The following SCAMP1 variants were observed in gnomAD, a reference collection of about 807,000 sequenced individuals.
SCAMP1 encodes the protein secretory carrier membrane protein 1, also known as secretory carrier-associated membrane protein 1.
In SCAMP1, 15 loss-of-function variants were observed where a neutral mutation model predicts 41.8. The ratio of observed to expected loss-of-function variants is 0.36; its 90% confidence interval spans 0.24 to 0.55. The LOEUF is 0.55. SCAMP1 is among the 20% of genes least tolerant of loss of function. The pLI is 0.86. For missense variants in SCAMP1, 341 were observed against 412.6 expected, an observed-to-expected ratio of 0.83 and a Z score of 1.50; for synonymous variants, 135 against 136.8, an observed-to-expected ratio of 0.99 and a Z score of 0.09.
Position 78,360,654 on chromosome 5 carries a change from A to ACGC in SCAMP1, c.-15_-13dup. ...TCTCTGCGCCTGGGTCGGGTGGGTG[A>ACGC]CGCCGAGAGCCAGAGAGATGTCGGA... On this transcript the variant is annotated 5_prime_UTR_variant, in exon 1 of 9. Transcript: ENST00000621999. The ACGC allele has an allele frequency of 6.2e-7, 1 of 1,603,416 alleles. No homozygotes were observed.
rs373924048 is a variant in SCAMP1 at position 78,449,970 on chromosome 5, G to A, written c.670G>A (p.Val224Ile). The A allele has an allele frequency of 1.7e-5, 26 of 1,546,328 alleles. No homozygotes were observed. Among genetic ancestry groups the A allele is most frequent in the South Asian group, 2.5e-5 (2 of 79,504 alleles). The stretch of plus-strand genomic sequence containing the variant: ...ATTTAGATTCTTTGTATTCTTCTTC[G>A]TCTATATTTGTCAGTTTGCTGTACA... ...SSFRFFVFFFVYICQFAVHVL... is the reference protein window; with the variant it reads ...SSFRFFVFFFIYICQFAVHVL... The change falls in exon 7 of 9, where the codon GTC becomes ATC. Residue 224 changes from valine (V) to isoleucine (I), a missense_variant. By Grantham distance (29) the Val-to-Ile change is conservative (BLOSUM62 3). Transcript: ENST00000621999.
chr5:78,464,809 A>G (rs1036187941), intron 8 of SCAMP1, among the ~76,000 whole-genome samples: 1 of 152,190 alleles, frequency 6.6e-6, no homozygotes. Flanking sequence ...ACACTTCACC[A>G]GTATTATGCC....
At chr5:78,444,227 A>G (rs1006603894) in intron 6 of SCAMP1, among the ~76,000 whole-genome samples, 1 of 152,232 alleles carries the variant, frequency 6.6e-6, no homozygotes, top group Non-Finnish European at 1.5e-5. Flanking sequence ...TTTCTGTGTT[A>G]GTCCATTTTC....
intron 8 of SCAMP1, among the ~76,000 whole-genome samples, chr5:78,471,338 A>C (rs189728214): frequency 6.6e-6 from 1 of 152,308 alleles, no homozygotes; most frequent in Admixed American, 6.5e-5. Flanking sequence ...TCAAGGGGTT[A>C]CAAAAGGGAT....
At chr5:78,451,678 G>A (rs1053324152) in intron 7 of SCAMP1, among the ~76,000 whole-genome samples, 1 of 151,104 alleles carries the variant, frequency 6.6e-6, no homozygotes, top group Non-Finnish European at 1.5e-5. Flanking sequence ...GATTGATTGA[G>A]ACAGAGTCTC....
rs1245541378 is a variant in SCAMP1, at chr5:78,416,525, G to A, written c.235-16G>A. The A allele has an allele frequency of 6.4e-7, 1 of 1,551,080 alleles. No individual in the cohort carries two copies. The highest frequency in any genetic ancestry group is 1.9e-5 in the Admixed American group (1 of 52,370). On this transcript the variant is annotated splice_polypyrimidine_tract_variant and intron_variant, in intron 3 of 8. Transcript: ENST00000621999. ...ACTTCTGACAGTCTATTCACATATT[G>A]ATATTTTTTATTTAGGAACATGCAT...
chr5:78,412,628 A>C (rs1191467869), intron 2 of SCAMP1, among the ~76,000 whole-genome samples: 1 of 152,046 alleles, frequency 6.6e-6, no homozygotes, highest in Non-Finnish European at 1.5e-5. Flanking sequence ...ATGGTTTTGA[A>C]ATGATATATG....
chr5:78,443,654 T>C (rs79243117), intron 6 of SCAMP1, among the ~76,000 whole-genome samples: 1 of 41,530 alleles, frequency 2.4e-5, no homozygotes, highest in African/African-American at 1.0e-4. Context: ...GTGGTTTTGC[T>C]TTTTTTTTTT....
intron 1 of SCAMP1, chr5:78,370,841 C>T (rs1461865759): frequency 6.6e-6 from 1 of 152,066 alleles, no homozygotes; most frequent in Admixed American, 6.6e-5. Flanking sequence ...TTAACACTTG[C>T]TATTACCTGT....
intron 4 of SCAMP1, 142 bp downstream of exon 4, chr5:78,416,791 G>A (rs962068478): frequency 3.8e-5 from 23 of 598,344 alleles, no homozygotes; most frequent in South Asian, 2.6e-4. Flanking sequence ...ACAGCAGATT[G>A]CCTGTTTGAT....
chr5:78,421,562 G>T (rs1028367341), intron 5 of SCAMP1, among the ~76,000 whole-genome samples: 8 of 152,162 alleles, frequency 5.3e-5, no homozygotes, highest in Non-Finnish European at 7.3e-5. Flanking sequence ...CTGTGAGGAG[G>T]AGAGGGCCAA....
Position 78,418,918 on chromosome 5 carries a change from A to G in SCAMP1, c.472+15A>G, listed in dbSNP as rs952399970. On this transcript the variant is annotated intron_variant, in intron 5 of 8. Coordinates refer to ENST00000621999, the MANE Select transcript of SCAMP1 (RefSeq NM_004866.6). ...CTTGTGGATGTGTGAGTATACAACAATTTACATCTTTGCTTAGAATTTGTA... is the reference window on the plus strand; with the variant it reads ...CTTGTGGATGTGTGAGTATACAACAGTTTACATCTTTGCTTAGAATTTGTA... The G allele has an allele frequency of 1.7e-5, 27 of 1,545,786 alleles. No individual in the cohort carries two copies. Among genetic ancestry groups the G allele is most frequent in the Admixed American group, 8.5e-5 (4 of 47,202 alleles).
chr5:78,467,502 T>C (rs1368568867), intron 8 of SCAMP1, among the ~76,000 whole-genome samples: 2 of 152,240 alleles, frequency 1.3e-5, no homozygotes, highest in Non-Finnish European at 2.9e-5. Flanking sequence ...GGTGCTCATA[T>C]GCCAGGCATT....
At chr5:78,461,450 A>G (rs1753611840) in intron 8 of SCAMP1, among the ~76,000 whole-genome samples, 1 of 152,086 alleles carries the variant, frequency 6.6e-6, no homozygotes, top group South Asian at 2.1e-4. Context: ...CCCATTGTTC[A>G]TTATTGTCAG....
intron 6 of SCAMP1, among the ~76,000 whole-genome samples, chr5:78,426,421 G>A (rs764625045): frequency 3.9e-5 from 6 of 152,146 alleles, no homozygotes; most frequent in Non-Finnish European, 5.9e-5. Flanking sequence ...GTGTAAAAGC[G>A]TTCCTATTTC....
chr5:78,399,762 G>C (rs1205874563), intron 2 of SCAMP1, among the ~76,000 whole-genome samples: 1 of 152,100 alleles, frequency 6.6e-6, no homozygotes, highest in African/African-American at 2.4e-5. Context: ...TCATTCTCTT[G>C]ACATTGTCTT....
intron 4 of SCAMP1, among the ~76,000 whole-genome samples, chr5:78,418,092 T>C (rs1356388661): frequency 1.3e-5 from 2 of 152,132 alleles, no homozygotes; most frequent in Non-Finnish European, 2.9e-5. Context: ...TGTAGACACA[T>C]TTTTTTCCCT....
rs1298663497 is a variant in SCAMP1 at position 78,422,012 on chromosome 5, A to G, written c.632+52A>G. The G allele has an allele frequency of 1.5e-5, 22 of 1,443,344 alleles. No homozygotes were observed. The East Asian group carries it at 4.6e-4, about 30-fold the overall frequency. The allele number at this position is 1,443,344 out of a possible 1,614,324, so 89.4% of individuals were successfully genotyped here. A position where few individuals can be genotyped will look rare whatever the true frequency, so the allele number is the denominator to read the frequency against. On this transcript the variant is annotated intron_variant, in intron 6 of 8. Transcript: ENST00000621999. Reference sequence around the variant, plus strand: ...CTCTTTAAAACCTGTGAAGTAAATAATTCGTAGTATACATTAAAGGGAAAA... The same window carrying G: ...CTCTTTAAAACCTGTGAAGTAAATAGTTCGTAGTATACATTAAAGGGAAAA...
chr5:78,399,110 G>A (rs777989908), intron 2 of SCAMP1, among the ~76,000 whole-genome samples: 36 of 152,064 alleles, frequency 2.4e-4, no homozygotes, highest in Admixed American at 5.9e-4. Flanking sequence ...TTAGTAGTAT[G>A]CATAATAAGG....
Sources: allele counts gnomAD v4.1 joint callset (sites outside exome capture counted in the v4.1 genomes callset), GRCh38; gene constraint gnomAD v4.1.1; transcripts MANE v1.5; gene names NCBI Gene and HGNC (gene_info 2026-07-23, HGNC 2026-07-21).